KIF24: variants seen among roughly 807,000 people sequenced by gnomAD.
KIF24 encodes kinesin-like protein KIF24.
Under a neutral mutation model 118.9 loss-of-function variants are expected in KIF24, and 81 were observed. The observed-to-expected ratio is 0.68, with a 90% CI of 0.57 to 0.82. The LOEUF (loss-of-function observed/expected upper bound fraction) is 0.82. KIF24 is among the 40% of genes least tolerant of loss of function. The probability of loss-of-function intolerance (pLI) is 0.00; values close to 1 mark genes in which losing one functional copy is unlikely to be tolerated. For missense variants in KIF24, 1,560 were observed against 1,661.6 expected (o/e 0.94, Z 1.06); for synonymous variants, 599 against 610.0 (o/e 0.98, Z 0.27).
rs1181525402 is a variant in KIF24, at chr9:34,311,023, G to A, written c.324C>T (p.Asp108=). 2 of 1,613,938 alleles carry A rather than the reference G, an allele frequency of 1.2e-6. No homozygotes were observed. Among genetic ancestry groups the A allele is most frequent in the Non-Finnish European group, 1.7e-6 (2 of 1,179,840 alleles). ...CAAACCCATCATTGCTGGCATTTCT[G>A]TCTTTATTGTCAGCAGGAGAATCAA... ...LNFDSPADNK[D]RNASNDGFEM... Residue 108 remains aspartate, a synonymous_variant, in exon 2 of 13, where the codon GAC becomes GAT. Coordinates refer to ENST00000402558, the MANE Select transcript of KIF24 (RefSeq NM_194313.4).
chr9:34,289,152 G>T (rs1259343857), intron 5 of KIF24, among the ~76,000 whole-genome samples: 1 of 152,094 alleles, frequency 6.6e-6, no homozygotes, highest in African/African-American at 2.4e-5. Flanking sequence ...CATATCTGAA[G>T]GTCCCCTTTT....
At chr9:34,289,009 T>C (rs1243379333) in intron 5 of KIF24, among the ~76,000 whole-genome samples, 1 of 151,932 alleles carries the variant, frequency 6.6e-6, no homozygotes, top group Non-Finnish European at 1.5e-5. Context: ...ATTGAGCTAA[T>C]TCGAGACTTC....
chr9:34,262,893 G>A (rs936688975), intron 9 of KIF24, among the ~76,000 whole-genome samples: 8 of 151,384 alleles, frequency 5.3e-5, no homozygotes, highest in African/African-American at 1.7e-4. Context: ...GATTTTTGAA[G>A]CATTTCAGAT....
At position 34,297,928 on chromosome 9, in the gene KIF24, C is replaced by G. The variant is rs2890546; in HGVS notation, c.814-814G>C. Among the ~76,000 whole-genome samples, 2,276 of 151,480 alleles carry G rather than the reference C, an allele frequency of 0.015. 88 individuals are homozygous for G. In the East Asian group the frequency reaches 0.16, roughly 11 times the overall value. ...GATATAGACATTACCCTAGCATTTC[C>G]CTATCTTACCTCCTAAAAATGTTAA... On this transcript the variant is annotated intron_variant, in intron 3 of 12. Coordinates refer to ENST00000402558, the MANE Select transcript of KIF24 (RefSeq NM_194313.4).
rs1196279263 is a variant in KIF24, at chr9:34,318,445, G to A, written c.-25-7074C>T. ...TCCTCAGCGCCTTCTGCCTCCTGGC[G>A]GTGGCCTTGGCGACCGAGGTGAAGA... On this transcript the variant is annotated intron_variant, in intron 1 of 12. Transcript: ENST00000402558. This position sits in a 1 kb window ranked among gnomAD's most constrained non-coding sequence, Gnocchi z 4.9. The A allele has an allele frequency of 8.3e-6, 6 of 718,964 alleles. No homozygotes were observed. The highest frequency in any genetic ancestry group is 4.4e-5 in the South Asian group (3 of 67,854). 44.5% of individuals were successfully genotyped at this position (718,964 alleles called of 1,614,324 possible).
At chr9:34,322,811 G>A (rs989467798) in intron 1 of KIF24, among the ~76,000 whole-genome samples, 8 of 152,062 alleles carry the variant, frequency 5.3e-5, no homozygotes, top group Non-Finnish European at 8.8e-5. Context: ...AGCCAAGATT[G>A]CGCCACTGCA....
At chr9:34,323,042 T>C (rs1837570776) in intron 1 of KIF24, among the ~76,000 whole-genome samples, 1 of 152,150 alleles carries the variant, frequency 6.6e-6, no homozygotes, top group African/African-American at 2.4e-5. Flanking sequence ...AGGGAACTTA[T>C]TTCAAACTCT....
At chr9:34,269,028 T>C (rs1234231894) in intron 8 of KIF24, among the ~76,000 whole-genome samples, 4 of 152,182 alleles carry the variant, frequency 2.6e-5, no homozygotes, top group African/African-American at 4.8e-5. Flanking sequence ...CTGTTCCTAA[T>C]TGGCATGGAT....
At position 34,252,827 on chromosome 9, in the gene KIF24, G is replaced by A. The variant is rs950948861; in HGVS notation, c.*1553C>T. On this transcript the variant is annotated 3_prime_UTR_variant, in exon 13 of 13. Transcript: ENST00000402558. ...GGATCACCCAGTAAAAGAGGAAGAA[G>A]CCCTTTTACTGTGAGCAGCAGGCAT... 11 of 152,136 alleles carry A rather than the reference G, an allele frequency of 7.2e-5. No individual in the cohort carries two copies. The highest frequency in any genetic ancestry group is 1.6e-4 in the Non-Finnish European group (11 of 68,068). 9.4% of individuals were successfully genotyped at this position (152,136 alleles called of 1,614,324 possible). A position where few individuals can be genotyped will look rare whatever the true frequency, so the allele number is the denominator to read the frequency against.
Position 34,276,697 on chromosome 9 carries a change from C to T in KIF24, c.1216-4767G>A, listed in dbSNP as rs59771478. On this transcript the variant is annotated intron_variant, in intron 6 of 12. Transcript: ENST00000402558. Reference sequence around the variant, plus strand: ...AAATTCAGAATCATACTTAAATACACCCATTTTGTAAAAAGTTTGCTAAAA... The same window carrying T: ...AAATTCAGAATCATACTTAAATACATCCATTTTGTAAAAAGTTTGCTAAAA... Among the ~76,000 whole-genome samples the T allele has an allele frequency of 0.015, 2,217 of 152,222 alleles. 91 individuals carry two copies. The East Asian group carries it at 0.16, about 11-fold the overall frequency.
rs1448203731 is a variant in KIF24 at position 34,257,984 on chromosome 9, G to A, written c.1626-3C>T. The A allele has an allele frequency of 6.4e-7, 1 of 1,564,974 alleles. No homozygotes were observed. The highest frequency in any genetic ancestry group is 8.7e-7 in the Non-Finnish European group (1 of 1,155,222). On this transcript the variant is annotated splice_polypyrimidine_tract_variant and splice_region_variant and intron_variant, in intron 10 of 12. Transcript: ENST00000402558. ...TGCCTTTCTTTAGTTCTTTGACCCTGTAAATAATCATTTTATGTTAAATGT... is the reference window on the plus strand; with the variant it reads ...TGCCTTTCTTTAGTTCTTTGACCCTATAAATAATCATTTTATGTTAAATGT...
intron 1 of KIF24, among the ~76,000 whole-genome samples, chr9:34,312,487 T>C (rs1837202238): frequency 6.6e-6 from 1 of 152,222 alleles, no homozygotes. Context: ...TTTTCAAAAA[T>C]TCAGTTAGGT....
intron 2 of KIF24, among the ~76,000 whole-genome samples, chr9:34,307,186 C>A (rs918712655): frequency 6.6e-6 from 1 of 152,076 alleles, no homozygotes; most frequent in Admixed American, 6.6e-5. Flanking sequence ...CTACCTCAGC[C>A]TCCTAAGTAG....
chr9:34,258,941 T>G (rs990355411), intron 10 of KIF24, among the ~76,000 whole-genome samples: 1 of 152,188 alleles, frequency 6.6e-6, no homozygotes, highest in East Asian at 1.9e-4. Context: ...TAGATGCCAG[T>G]AGCACTTCTT....
intron 7 of KIF24, among the ~76,000 whole-genome samples, chr9:34,270,406 C>G (rs1384595739): frequency 6.8e-6 from 1 of 147,718 alleles, no homozygotes; most frequent in Non-Finnish European, 1.5e-5. Context: ...GTCCCAGCTA[C>G]TCAGGAGGCT....
chr9:34,264,058 TG>T (rs1587917133), intron 8 of KIF24, among the ~76,000 whole-genome samples: 1 of 151,598 alleles, frequency 6.6e-6, no homozygotes. Context: ...GTGGGGGTCG[TG>T]GGGGGCAAGA....
At chr9:34,321,601 T>G (rs1199237448) in intron 1 of KIF24, among the ~76,000 whole-genome samples, 1 of 127,070 alleles carries the variant, frequency 7.9e-6, no homozygotes, top group Non-Finnish European at 1.7e-5. Context: ...TACATACTTC[T>G]TCTTTTTTTT....
chr9:34,265,588 G>A (rs1422073438), intron 8 of KIF24, among the ~76,000 whole-genome samples: 1 of 152,136 alleles, frequency 6.6e-6, no homozygotes, highest in African/African-American at 2.4e-5. Context: ...AACACACAGA[G>A]AAGAATTATT....
intron 1 of KIF24, among the ~76,000 whole-genome samples, chr9:34,317,927 G>A (rs1342582744): frequency 4.6e-5 from 7 of 152,020 alleles, no homozygotes. Flanking sequence ...ATCCACCGGG[G>A]GTCTTGGAAT....
Sources: gnomAD v4.1 joint callset for allele counts (sites outside exome capture counted in the v4.1 genomes callset) on GRCh38, gnomAD v4.1.1 for gene constraint, Gnocchi (gnomAD v3.1) non-coding constraint, MANE v1.5 for transcripts, NCBI Gene and HGNC (gene_info 2026-07-23, HGNC 2026-07-21) for gene names.